Variants in TGIF2 observed in about 807,000 individuals in gnomAD.
TGIF2 encodes homeobox protein TGIF2.
Under a neutral mutation model 15.1 loss-of-function variants are expected in TGIF2, and 5 were observed. That is an observed-to-expected ratio of 0.33 (90% CI 0.17 to 0.70). The LOEUF (loss-of-function observed/expected upper bound fraction) is 0.70, where lower values mean the gene tolerates loss of function less well. Ranked by LOEUF, TGIF2 falls within the 30% of genes least tolerant of loss-of-function variation. The probability of loss-of-function intolerance (pLI) is 0.67; values close to 1 mark genes in which losing one functional copy is unlikely to be tolerated. For synonymous variants in TGIF2, 131 were observed against 128.9 expected, an observed-to-expected ratio of 1.02 and a Z score of -0.11; for missense variants, 264 against 302.5, an observed-to-expected ratio of 0.87 and a Z score of 0.94.
At chr20:36,588,315 T>C (rs1367581420) in intron 2 of TGIF2, among the ~76,000 whole-genome samples, 2 of 151,128 alleles carry the variant, frequency 1.3e-5, no homozygotes, top group African/African-American at 4.8e-5. Context: ...AGTAAGTTTG[T>C]TCCCTTCCTT....
In TGIF2 at chr20:36,589,721, C is replaced by T. The variant is rs550547679; in HGVS notation, c.193-1189C>T. ...TTTTTTTCTTTGAGACAAGGTCTCACGCTGTCACCCAGGCTGGAGTACAGT... is the reference window on the plus strand; with the variant it reads ...TTTTTTTCTTTGAGACAAGGTCTCATGCTGTCACCCAGGCTGGAGTACAGT... On this transcript the variant is annotated intron_variant, in intron 2 of 2. Coordinates refer to ENST00000373872, the MANE Select transcript of TGIF2 (RefSeq NM_021809.7). Among the ~76,000 whole-genome samples, 11 of 152,010 alleles carry T rather than the reference C, an allele frequency of 7.2e-5. No individual in the cohort carries two copies. In the South Asian group the frequency reaches 1.9e-3, roughly 26 times the overall value.
intron 2 of TGIF2, among the ~76,000 whole-genome samples, chr20:36,581,068 G>A (rs887881136): frequency 1.3e-5 from 2 of 151,804 alleles, no homozygotes; most frequent in East Asian, 1.9e-4. Context: ...CGGAGGTTGC[G>A]GTGAGCCGAG....
chr20:36,588,355 CTTTTTTTTTTT>C (rs397802665), intron 2 of TGIF2, among the ~76,000 whole-genome samples: 3 of 60,384 alleles, frequency 5.0e-5, no homozygotes, highest in African/African-American at 6.9e-5. Context: ...GCCCTTCCTT[CTTTTTTTTTTT>C]TTTTTTTTTT....
intron 2 of TGIF2, among the ~76,000 whole-genome samples, chr20:36,589,138 G>A (rs1038761989): frequency 1.3e-5 from 2 of 152,314 alleles, no homozygotes; most frequent in African/African-American, 4.8e-5. Context: ...AGCTATGGGA[G>A]TTTCTCTTAT....
intron 2 of TGIF2, among the ~76,000 whole-genome samples, chr20:36,582,948 T>C (rs753512371): frequency 6.6e-6 from 1 of 152,160 alleles, no homozygotes; most frequent in Non-Finnish European, 1.5e-5. Context: ...TAAACCATCA[T>C]TATCTGATCA....
chr20:36,578,679 G>T (rs2038481182), intron 1 of TGIF2, 62 bp from the exon 2 acceptor site: 5 of 1,482,546 alleles, frequency 3.4e-6, no homozygotes, highest in Non-Finnish European at 4.5e-6. Flanking sequence ...GAGCATGTTT[G>T]GAGACTAGGA....
chr20:36,579,841 A>G (rs968827491), intron 2 of TGIF2, among the ~76,000 whole-genome samples: 3 of 152,206 alleles, frequency 2.0e-5, no homozygotes, highest in Non-Finnish European at 4.4e-5. Context: ...GTGCTTTGCA[A>G]ACCATGCACA....
chr20:36,575,103 C>T (rs1600765384), intron 1 of TGIF2, among the ~76,000 whole-genome samples: 1 of 151,962 alleles, frequency 6.6e-6, no homozygotes, highest in East Asian at 1.9e-4. Flanking sequence ...AGAAGTTGGG[C>T]TAGTTGTGTG....
chr20:36,590,669 A>G (rs929836748), intron 2 of TGIF2, among the ~76,000 whole-genome samples: 2 of 152,052 alleles, frequency 1.3e-5, no homozygotes, highest in African/African-American at 4.8e-5. Flanking sequence ...GGCTCCAGCT[A>G]TCTTCCGATC....
At chr20:36,579,780 C>A (rs1600771105) in intron 2 of TGIF2, among the ~76,000 whole-genome samples, 3 of 152,086 alleles carry the variant, frequency 2.0e-5, no homozygotes. Flanking sequence ...CAGAGTCTTC[C>A]CCTGCCTGGT....
intron 2 of TGIF2, among the ~76,000 whole-genome samples, chr20:36,586,807 G>A (rs889239190): frequency 1.3e-5 from 2 of 151,892 alleles, no homozygotes; most frequent in African/African-American, 4.8e-5. Flanking sequence ...TGATGTTTGG[G>A]AAAGGCGCCT....
chr20:36,581,822 C>T (rs2038551749), intron 2 of TGIF2, among the ~76,000 whole-genome samples: 1 of 152,106 alleles, frequency 6.6e-6, no homozygotes, highest in Admixed American at 6.6e-5. Context: ...AGAGACAGGG[C>T]TTCACTATGC....
intron 2 of TGIF2, among the ~76,000 whole-genome samples, chr20:36,585,687 A>G (rs2038643881): frequency 6.6e-6 from 1 of 152,020 alleles, no homozygotes; most frequent in African/African-American, 2.4e-5. Flanking sequence ...GCCTGGGGCT[A>G]GGCAGTTGGG....
At chr20:36,585,213 A>G (rs1350765851) in intron 2 of TGIF2, among the ~76,000 whole-genome samples, 1 of 151,330 alleles carries the variant, frequency 6.6e-6, no homozygotes, top group East Asian at 1.9e-4. Flanking sequence ...AAAAAGAGAA[A>G]AAAGCTAGGC....
chr20:36,574,138 C>A (rs1335929659), intron 1 of TGIF2, among the ~76,000 whole-genome samples: 1 of 150,956 alleles, frequency 6.6e-6, no homozygotes, highest in East Asian at 2.0e-4. Context: ...GCCGCCGAGC[C>A]GGACAGGGGG....
intron 1 of TGIF2, among the ~76,000 whole-genome samples, chr20:36,578,412 CAA>C (rs747225580): frequency 5.1e-4 from 47 of 92,178 alleles, no homozygotes; most frequent in Admixed American, 8.4e-4. Flanking sequence ...GAGCCTCTCT[CAA>C]AAAAAAAAAA....
chr20:36,579,806 A>G (rs1484404200), intron 2 of TGIF2, among the ~76,000 whole-genome samples: 1 of 152,182 alleles, frequency 6.6e-6, no homozygotes, highest in Non-Finnish European at 1.5e-5. Flanking sequence ...TGTTGTGACG[A>G]ATAGATTCAG....
chr20:36,583,866 C>T (rs1249012875), intron 2 of TGIF2, among the ~76,000 whole-genome samples: 3 of 152,056 alleles, frequency 2.0e-5, no homozygotes, highest in African/African-American at 7.2e-5. Context: ...CACCGCACTC[C>T]AGCCGGGGCA....
intron 2 of TGIF2, among the ~76,000 whole-genome samples, chr20:36,579,196 G>A (rs1464592833): frequency 1.3e-5 from 2 of 152,136 alleles, no homozygotes; most frequent in East Asian, 3.9e-4. Flanking sequence ...TTTTGAGACG[G>A]AGTCTTGCAC....
Sources: gnomAD v4.1 joint callset for allele counts (sites outside exome capture counted in the v4.1 genomes callset) on GRCh38, gnomAD v4.1.1 for gene constraint, MANE v1.5 for transcripts, NCBI Gene and HGNC (gene_info 2026-07-23, HGNC 2026-07-21) for gene names.